ABCG1: variants seen among roughly 807,000 people sequenced by gnomAD.
The protein encoded by ABCG1 is ATP binding cassette subfamily G member 1, also known as ATP-binding cassette sub-family G member 1.
A neutral mutation model predicts 69.2 loss-of-function variants in ABCG1; 29 were observed. The observed-to-expected ratio is 0.42, with a 90% CI of 0.31 to 0.57. The LOEUF (loss-of-function observed/expected upper bound fraction) is 0.57, where lower values mean the gene tolerates loss of function less well. ABCG1 is among the 20% of genes least tolerant of loss of function. The pLI, the probability that ABCG1 is intolerant of heterozygous loss-of-function variation, is 0.15. For missense variants in ABCG1, 718 were observed against 898.1 expected, an observed-to-expected ratio of 0.80 and a Z score of 2.56; for synonymous variants, 370 against 374.8, an observed-to-expected ratio of 0.99 and a Z score of 0.15.
chr21:42,293,211 A>G (rs1199661413), intron 13 of ABCG1, among the ~76,000 whole-genome samples: 5 of 115,352 alleles, frequency 4.3e-5, no homozygotes, highest in African/African-American at 2.1e-4. Flanking sequence ...CACACACTGC[A>G]TACACACACT....
intron 2 of ABCG1, among the ~76,000 whole-genome samples, chr21:42,210,715 C>G (rs1043589196): frequency 6.8e-6 from 1 of 146,490 alleles, no homozygotes; most frequent in African/African-American, 2.6e-5. Context: ...TCTGCCGCCC[C>G]CCTCCCTCCA....
At chr21:42,260,055 G>C in intron 2 of ABCG1, 1 of 1,550,478 alleles carries the variant, frequency 6.4e-7, no homozygotes, top group Non-Finnish European at 8.7e-7. Context: ...GGGGGTGGTC[G>C]CTATCAGTGG....
intron 14 of ABCG1, among the ~76,000 whole-genome samples, chr21:42,295,867 G>A (rs2069198562): frequency 6.6e-6 from 1 of 152,204 alleles, no homozygotes; most frequent in African/African-American, 2.4e-5. Flanking sequence ...AACCTCGGAA[G>A]TGAACACAAG....
At chr21:42,215,475 C>A (rs78238118), upstream of ABCG1, among the ~76,000 whole-genome samples, 1 of 152,200 alleles carries the variant, frequency 6.6e-6, no homozygotes, top group Non-Finnish European at 1.5e-5. Context: ...TGACTCCACT[C>A]GAAGTCAACT....
intron 2 of ABCG1, among the ~76,000 whole-genome samples, chr21:42,230,794 T>C (rs1004413246): frequency 2.0e-5 from 3 of 152,232 alleles, no homozygotes; most frequent in African/African-American, 7.2e-5. Context: ...TGATAGCCGT[T>C]CTTCAATCCA....
At chr21:42,212,031 T>C (rs1979236687), upstream of ABCG1, among the ~76,000 whole-genome samples, 1 of 152,218 alleles carries the variant, frequency 6.6e-6, no homozygotes, top group African/African-American at 2.4e-5. Flanking sequence ...CCCCTTTCCT[T>C]TCTACCACGG....
At chr21:42,205,013 T>C (rs560958954) in intron 2 of ABCG1, among the ~76,000 whole-genome samples, 7 of 151,328 alleles carry the variant, frequency 4.6e-5, no homozygotes, top group Non-Finnish European at 1.0e-4. Flanking sequence ...GGTGTTGTTT[T>C]TGTTGTTTTT....
At chr21:42,280,886 C>T (rs958544590) in intron 5 of ABCG1, among the ~76,000 whole-genome samples, 1 of 152,234 alleles carries the variant, frequency 6.6e-6, no homozygotes, top group Non-Finnish European at 1.5e-5. Flanking sequence ...AGGGCTCTGC[C>T]CACCTTGCAC....
chr21:42,254,687 A>G (rs1369140722), intron 2 of ABCG1, among the ~76,000 whole-genome samples: 1 of 152,258 alleles, frequency 6.6e-6, no homozygotes, highest in Non-Finnish European at 1.5e-5. Context: ...AGAAACAAGT[A>G]GAGTAAAAAG....
intron 1 of ABCG1, chr21:42,199,930 T>A (rs1414879554): frequency 1.3e-5 from 2 of 152,230 alleles, no homozygotes; most frequent in African/African-American, 4.8e-5. Context: ...TAACTAGATG[T>A]AGATTAAGAA....
chr21:42,293,068 TAC>T lies in ABCG1; in HGVS notation c.1653+1421_1653+1422del, dbSNP rs773277931. Among the ~76,000 whole-genome samples the T allele has an allele frequency of 2.2e-4, 3 of 13,456 alleles. 1 individual carries two copies. The highest frequency in any genetic ancestry group is 1.0e-3 in the African/African-American group (3 of 2,966). The allele number at this position is 13,456 out of a possible 152,430, so 8.8% of individuals were successfully genotyped here. ...CACACACACTACACACATACCACAC[TAC>T]ACACACACCACACACACTACACACC... On this transcript the variant is annotated intron_variant, in intron 13 of 14. Transcript: ENST00000398449.
chr21:42,203,483 T>C (rs192270551), intron 2 of ABCG1, among the ~76,000 whole-genome samples: 2 of 152,326 alleles, frequency 1.3e-5, no homozygotes, highest in African/African-American at 2.4e-5. Flanking sequence ...AGTTTCTTTT[T>C]TTCTGCCCGT....
chr21:42,226,784 C>T (rs1374608670), intron 2 of ABCG1, among the ~76,000 whole-genome samples: 1 of 152,078 alleles, frequency 6.6e-6, no homozygotes, highest in African/African-American at 2.4e-5. Context: ...AAACCATGGT[C>T]CCTAGTTTCT....
rs1879251605 is a variant in ABCG1 at position 42,276,964 on chromosome 21, G to A, written c.588+19G>A. The A allele has an allele frequency of 1.2e-6, 2 of 1,613,932 alleles. No homozygotes were observed. Among genetic ancestry groups the A allele is most frequent in the African/African-American group, 2.7e-5 (2 of 75,050 alleles). ...GGAAATGGTAAGTGGGTTGTTTGGT[G>A]CCCACAAGTGGTCCAGAAAGTGCAT... is the stretch of plus-strand genomic sequence containing the variant. On this transcript the variant is annotated intron_variant, in intron 5 of 14. Transcript: ENST00000398449. The surrounding 1 kb of genome is among the most constrained non-coding windows in gnomAD (Gnocchi z 5.3).
chr21:42,296,149 G>T lies in ABCG1; in HGVS notation c.1773-15G>T, dbSNP rs1258821091. 1 of 1,608,444 alleles carries T rather than the reference G, an allele frequency of 6.2e-7. No homozygotes were observed. Among genetic ancestry groups the T allele is most frequent in the African/African-American group, 1.3e-5 (1 of 74,910 alleles). ...TGGGAGAACGTCCTCCCTCATGCCTGGCCTTTCCTCCTAGGTATGGGTTCG... is the reference window on the plus strand; with the variant it reads ...TGGGAGAACGTCCTCCCTCATGCCTTGCCTTTCCTCCTAGGTATGGGTTCG... On this transcript the variant is annotated splice_polypyrimidine_tract_variant and intron_variant, in intron 14 of 14. Coordinates refer to ENST00000398449, the MANE Select transcript of ABCG1 (RefSeq NM_016818.3). This position sits in a 1 kb window ranked among gnomAD's most constrained non-coding sequence, Gnocchi z 5.4.
At chr21:42,211,691 C>A (rs2067590764), upstream of ABCG1, among the ~76,000 whole-genome samples, 1 of 151,558 alleles carries the variant, frequency 6.6e-6, no homozygotes, top group Admixed American at 6.6e-5. Context: ...ACCAGCCTGG[C>A]CAACATGGCG....
At chr21:42,210,113 C>T (rs2067574840) in intron 2 of ABCG1, among the ~76,000 whole-genome samples, 1 of 152,190 alleles carries the variant, frequency 6.6e-6, no homozygotes, top group Non-Finnish European at 1.5e-5. Flanking sequence ...GACAAACACT[C>T]TCCTTACATC....
intron 1 of ABCG1, 97 bp from the exon 2 acceptor site, chr21:42,225,574 A>T: frequency 6.8e-7 from 1 of 1,468,486 alleles, no homozygotes; most frequent in Non-Finnish European, 9.2e-7. Flanking sequence ...TGTTGCTATT[A>T]ATAACCAATG....
chr21:42,267,635 G>GTGGTCTGGGTTCTGTCTGGGTC (rs2068534119), intron 2 of ABCG1, among the ~76,000 whole-genome samples: 2 of 124,428 alleles, frequency 1.6e-5, no homozygotes, highest in East Asian at 2.3e-4. Context: ...CTGTCTGGGT[G>GTGGTCTGGGTTCTGTCTGGGTC]TGGTCTGGGT....
Sources: gnomAD v4.1 joint callset for allele counts (sites outside exome capture counted in the v4.1 genomes callset) on GRCh38, gnomAD v4.1.1 for gene constraint, Gnocchi (gnomAD v3.1) non-coding constraint, MANE v1.5 for transcripts, NCBI Gene and HGNC (gene_info 2026-07-23, HGNC 2026-07-21) for gene names.